Variants in CNTN5 observed in about 807,000 individuals in gnomAD.
CNTN5 encodes contactin-5.
Under a neutral mutation model 129.1 loss-of-function variants are expected in CNTN5, and 77 were observed. The ratio of observed to expected loss-of-function variants is 0.60; its 90% CI spans 0.50 to 0.72. The LOEUF (loss-of-function observed/expected upper bound fraction) is 0.72. Among genes scored for constraint, CNTN5 ranks in the 30% least tolerant of loss-of-function variants. The probability of loss-of-function intolerance (pLI) is 0.00; values close to 1 mark genes in which losing one functional copy is unlikely to be tolerated. For synonymous variants in CNTN5, 509 were observed against 465.6 expected (o/e 1.09, Z -1.20); for missense variants, 1,478 against 1,328.8 (o/e 1.11, Z -1.75).
chr11:99,839,147 G>C (rs1051780014), intron 4 of CNTN5, among the ~76,000 whole-genome samples: 1 of 152,046 alleles, frequency 6.6e-6, no homozygotes, highest in Non-Finnish European at 1.5e-5. Flanking sequence ...GCATGAAAAG[G>C]TTACTTTCAT....
At chr11:99,372,510 C>T (rs747795388) in intron 2 of CNTN5, among the ~76,000 whole-genome samples, 5 of 152,046 alleles carry the variant, frequency 3.3e-5, no homozygotes, top group East Asian at 1.9e-4. Context: ...CCTGGCACAA[C>T]GGACAACCTC....
chr11:99,946,291 G>A (rs11221994), intron 7 of CNTN5, among the ~76,000 whole-genome samples: 25,039 of 151,960 alleles, frequency 0.16, 2,522 homozygotes, highest in African/African-American at 0.28. Flanking sequence ...ATAGTTTCTA[G>A]TCTTGAGATT....
At position 99,841,853 on chromosome 11, in the gene CNTN5, T is replaced by C. The variant is rs558480769; in HGVS notation, c.278-2999T>C. 8.2e-3 allele frequency among the ~76,000 whole-genome samples: 1,138 copies of C among 139,344 alleles called. 18 individuals carry two copies. The highest frequency in any genetic ancestry group is 0.029 in the African/African-American group (1,021 of 35,424). 91.4% of individuals were successfully genotyped at this position (139,344 alleles called of 152,430 possible). A position where few individuals can be genotyped will look rare whatever the true frequency, so the allele number is the denominator to read the frequency against. ...ATATATATACACACACACACACACA[T>C]ATATATACACACATATATACACATA... On this transcript the variant is annotated intron_variant, in intron 4 of 24. Coordinates refer to ENST00000524871, the MANE Select transcript of CNTN5 (RefSeq NM_014361.4).
chr11:99,701,042 C>G (rs1954497399), intron 3 of CNTN5, among the ~76,000 whole-genome samples: 1 of 151,182 alleles, frequency 6.6e-6, no homozygotes, highest in African/African-American at 2.4e-5. Context: ...ATTTAAGGAC[C>G]ATCTTATTTT....
chr11:100,009,533 C>G (rs981527571), intron 9 of CNTN5, among the ~76,000 whole-genome samples: 1 of 152,014 alleles, frequency 6.6e-6, no homozygotes, highest in African/African-American at 2.4e-5. Context: ...CAAGAGATTG[C>G]TCACAAGCTG....
chr11:99,154,395 C>T (rs1298048982), intron 1 of CNTN5, among the ~76,000 whole-genome samples: 1 of 152,134 alleles, frequency 6.6e-6, no homozygotes, highest in Non-Finnish European at 1.5e-5. Context: ...CATGGAGAGA[C>T]AGGGCTGATG....
intron 17 of CNTN5, among the ~76,000 whole-genome samples, chr11:100,270,435 A>G (rs939356447): frequency 3.3e-5 from 5 of 152,232 alleles, no homozygotes; most frequent in Admixed American, 3.3e-4. Context: ...ACAAATGTTT[A>G]GAAACATTTC....
At chr11:99,891,888 T>A (rs1294326778) in intron 6 of CNTN5, among the ~76,000 whole-genome samples, 1 of 152,166 alleles carries the variant, frequency 6.6e-6, no homozygotes, top group Non-Finnish European at 1.5e-5. Context: ...TAGTTCTAGA[T>A]CCTTGAGGAA....
At chr11:100,040,654 C>G (rs1237357563) in intron 9 of CNTN5, among the ~76,000 whole-genome samples, 1 of 152,190 alleles carries the variant, frequency 6.6e-6, no homozygotes, top group African/African-American at 2.4e-5. Context: ...TTTACCTAAT[C>G]AAACAACTAA....
intron 1 of CNTN5, among the ~76,000 whole-genome samples, chr11:99,260,624 A>G (rs1390216298): frequency 2.0e-5 from 3 of 151,930 alleles, no homozygotes; most frequent in Non-Finnish European, 4.4e-5. Flanking sequence ...ACAACTAAAA[A>G]TTAGCATCAA....
intron 13 of CNTN5, among the ~76,000 whole-genome samples, chr11:100,171,846 G>GA (rs5794040): frequency 7.3e-5 from 11 of 150,740 alleles, no homozygotes; most frequent in East Asian, 3.9e-4. Flanking sequence ...AAAGCTAAAA[G>GA]AAAAAAAAAC....
At chr11:99,131,447 A>T (rs1483821269) in intron 1 of CNTN5, among the ~76,000 whole-genome samples, 1 of 151,910 alleles carries the variant, frequency 6.6e-6, no homozygotes, top group Non-Finnish European at 1.5e-5. Flanking sequence ...AAAACCCTTC[A>T]AAAATTAACA....
At position 99,586,052 on chromosome 11, in the gene CNTN5, A is replaced by G. The variant is rs188302153; in HGVS notation, c.55+29783A>G. Among the ~76,000 whole-genome samples, 549 of 152,148 alleles carry G rather than the reference A, an allele frequency of 3.6e-3. 1 individual carries two copies. The highest frequency in any genetic ancestry group is 0.013 in the African/African-American group (524 of 41,520). ...ATATCATTTATTCCTTTCTTGATAT[A>G]TATCTCATATCATGTATTTCATTCA... On this transcript the variant is annotated intron_variant, in intron 3 of 24. Transcript: ENST00000524871.
intron 2 of CNTN5, among the ~76,000 whole-genome samples, chr11:99,332,842 T>C (rs903931896): frequency 6.6e-6 from 1 of 152,090 alleles, no homozygotes; most frequent in Non-Finnish European, 1.5e-5. Flanking sequence ...AGTATTTACC[T>C]TACTAAATTT....
At chr11:99,343,792 A>G (rs1866630002) in intron 2 of CNTN5, among the ~76,000 whole-genome samples, 1 of 152,188 alleles carries the variant, frequency 6.6e-6, no homozygotes. Context: ...AGTTTCATAT[A>G]AATCAATCAG....
chr11:99,885,758 T>C (rs1948886141), intron 6 of CNTN5, among the ~76,000 whole-genome samples: 1 of 152,024 alleles, frequency 6.6e-6, no homozygotes, highest in Non-Finnish European at 1.5e-5. Flanking sequence ...AAAAAATATA[T>C]TAAGAATGAG....
At chr11:100,253,006 G>C (rs752134020) in intron 16 of CNTN5, among the ~76,000 whole-genome samples, 4 of 152,122 alleles carry the variant, frequency 2.6e-5, no homozygotes, top group Admixed American at 1.3e-4. Flanking sequence ...TGACTCCACC[G>C]TTCAATGGCA....
At chr11:100,040,697 C>G (rs1030036266) in intron 9 of CNTN5, among the ~76,000 whole-genome samples, 13 of 152,202 alleles carry the variant, frequency 8.5e-5, no homozygotes, top group Non-Finnish European at 4.4e-5. Flanking sequence ...CCCCCAGCCT[C>G]ACTGCCGCCT....
chr11:100,137,266 G>A (rs1000894575), intron 13 of CNTN5, among the ~76,000 whole-genome samples: 6 of 151,948 alleles, frequency 3.9e-5, no homozygotes, highest in African/African-American at 1.4e-4. Context: ...TACCCATATA[G>A]GAGGCTTATA....
Sources: allele counts gnomAD v4.1 joint callset (sites outside exome capture counted in the v4.1 genomes callset), GRCh38; gene constraint gnomAD v4.1.1; transcripts MANE v1.5; gene names NCBI Gene and HGNC (gene_info 2026-07-23, HGNC 2026-07-21).